ANPEP: variants seen among roughly 807,000 people sequenced by gnomAD.
The protein encoded by ANPEP is aminopeptidase N.
In ANPEP, 70 loss-of-function variants were observed where a neutral mutation model predicts 114.6. The observed-to-expected ratio is 0.61, with a 90% CI of 0.50 to 0.75. The LOEUF is 0.75. Ranked by LOEUF, ANPEP falls within the 30% of genes least tolerant of loss-of-function variation. ANPEP has a pLI of 0.00. For missense variants in ANPEP, 1,184 were observed against 1,259.5 expected (o/e 0.94, Z 0.91); for synonymous variants, 548 against 522.3 (o/e 1.05, Z -0.67).
Position 89,803,654 on chromosome 15 carries a change from TAGG to T in ANPEP, c.1427_1429del (p.Ser476del). 1 of 1,611,478 alleles carries T rather than the reference TAGG, an allele frequency of 6.2e-7. No homozygotes were observed. The highest frequency in any genetic ancestry group is 8.5e-7 in the Non-Finnish European group (1 of 1,178,634). ...ACGAGGAGCGGGCTGCACCTTGCTG[TAGG>T]AGATGGCGTCAAACAGCTCACTGAT... is the stretch of plus-strand genomic sequence containing the variant. On this transcript the variant is annotated inframe_deletion, in exon 8 of 21. Transcript: ENST00000300060. This position sits in a 1 kb window ranked among gnomAD's most constrained non-coding sequence, Gnocchi z 4.2.
chr15:89,804,708 T>C, intron 4 of ANPEP, 91 bp from the exon 5 acceptor site: 2 of 1,526,410 alleles, frequency 1.3e-6, no homozygotes, highest in Non-Finnish European at 1.8e-6. Context: ...GCTGGGGGGA[T>C]CCCTGATGGG....
chr15:89,800,556 C>CTTTTTT lies in ANPEP; in HGVS notation c.1819+549_1819+554dup, dbSNP rs759889538. 4.0e-4 allele frequency among the ~76,000 whole-genome samples: 50 copies of CTTTTTT among 124,362 alleles called. 2 individuals are homozygous for CTTTTTT. The highest frequency in any genetic ancestry group is 1.5e-3 in the African/African-American group (48 of 31,264). 81.6% of individuals were successfully genotyped at this position (124,362 alleles called of 152,430 possible). A position where few individuals can be genotyped will look rare whatever the true frequency, so the allele number is the denominator to read the frequency against. On this transcript the variant is annotated intron_variant, in intron 12 of 20. Transcript: ENST00000300060. ...TTAAGCATTTTATGTGGATTCTCTC[C>CTTTTTT]TTTTTTTTTTTTTTTTTTTTTTGAG...
chr15:89,786,308 C>G (rs560894699), intron 20 of ANPEP, among the ~76,000 whole-genome samples: 25 of 150,534 alleles, frequency 1.7e-4, no homozygotes, highest in African/African-American at 5.8e-4. Context: ...TGTCCATGGA[C>G]TGGAAGATTT....
In ANPEP at chr15:89,799,253, C is replaced by T; in HGVS notation, c.2009+7G>A. 6.2e-7 allele frequency: 1 copy of T among 1,614,168 alleles called. No homozygotes were observed. Among genetic ancestry groups the T allele is most frequent in the Non-Finnish European group, 8.5e-7 (1 of 1,180,024 alleles). On this transcript the variant is annotated splice_region_variant and intron_variant, in intron 14 of 20. Transcript: ENST00000300060. This position sits in a 1 kb window ranked among gnomAD's most constrained non-coding sequence, Gnocchi z 4.2. Reference sequence around the variant, plus strand: ...TCTGCAGCTGAGCCAGGCAGCGGAGCACTCACCTGGCCAGGTTGAAGGCGT... The same window carrying T: ...TCTGCAGCTGAGCCAGGCAGCGGAGTACTCACCTGGCCAGGTTGAAGGCGT...
rs10596905 is a variant in ANPEP, at chr15:89,791,599, A to ATTTT, written c.2529-510_2529-507dup. Among the ~76,000 whole-genome samples the ATTTT allele has an allele frequency of 7.7e-3, 1,044 of 135,260 alleles. 15 individuals carry two copies. Among genetic ancestry groups the ATTTT allele is most frequent in the African/African-American group, 0.024 (874 of 36,848 alleles). The allele number at this position is 135,260 out of a possible 152,430, so 88.7% of individuals were successfully genotyped here. ...ATTACAGGCATGTGCCACCATGCCT[A>ATTTT]TTTTTTTTTTTTTTTTGTATTTTTA... On this transcript the variant is annotated intron_variant, in intron 18 of 20. Transcript: ENST00000300060.
intron 12 of ANPEP, among the ~76,000 whole-genome samples, chr15:89,800,470 C>T (rs1384492618): frequency 1.3e-5 from 2 of 152,100 alleles, no homozygotes; most frequent in Non-Finnish European, 2.9e-5. Flanking sequence ...ACTTGTCATG[C>T]CCTTCGCTTC....
In ANPEP at chr15:89,805,209, T is replaced by A; in HGVS notation, c.766A>T (p.Thr256Ser). ...CAGTTGGGGTCTTCTGGAAGTGGGG[T>A]GCTGGGACCTGGGCAGGGAGCATGT... The part of the protein sequence containing the change: ...LSNMLPKGPS[T>S]PLPEDPNWNV... The change falls in exon 4 of 21, where the codon ACC (threonine) becomes TCC (serine). Residue 256 changes from threonine (T) to serine (S), a missense_variant. Physicochemically the swap from Thr to Ser is moderately conservative, Grantham distance 58. Transcript: ENST00000300060. 1 of 1,614,118 alleles carries A rather than the reference T, an allele frequency of 6.2e-7. No homozygotes were observed. The highest frequency in any genetic ancestry group is 1.1e-5 in the South Asian group (1 of 91,080).
Position 89,799,639 on chromosome 15 carries a change from C to A in ANPEP, c.1820-80G>T. 2 of 1,591,142 alleles carry A rather than the reference C, an allele frequency of 1.3e-6. No individual in the cohort carries two copies. Among genetic ancestry groups the A allele is most frequent in the East Asian group, 4.5e-5 (2 of 44,672 alleles). The stretch of plus-strand genomic sequence containing the variant: ...CTGGACCTCTTGCAAGAGCAGCTGC[C>A]CCCGCAGCCTGGCACCACCTCACCC... On this transcript the variant is annotated intron_variant, in intron 12 of 20. Transcript: ENST00000300060. This position sits in a 1 kb window ranked among gnomAD's most constrained non-coding sequence, Gnocchi z 4.2.
At chr15:89,811,857 G>A (rs998791087) in intron 1 of ANPEP, among the ~76,000 whole-genome samples, 2 of 152,084 alleles carry the variant, frequency 1.3e-5, no homozygotes, top group Non-Finnish European at 2.9e-5. Flanking sequence ...TCTTGACGGG[G>A]TAGAAGCCGA....
Position 89,803,291 on chromosome 15 carries a change from G to A in ANPEP, c.1517C>T (p.Thr506Ile), listed in dbSNP as rs778343745. 2.5e-6 allele frequency: 4 copies of A among 1,614,126 alleles called. No homozygotes were observed. The highest frequency in any genetic ancestry group is 1.1e-5 in the South Asian group (1 of 91,086). ...GTAGATGGTGTTCTGGTAGGCAAAG[G>A]TGTGGAGGTAGGACTGTGGAAAGAC... ...FKQGLASYLHTFAYQNTIYLN... is the reference protein window; with the variant it reads ...FKQGLASYLHIFAYQNTIYLN... Residue 506 changes from threonine (T) to isoleucine (I), a missense_variant, in exon 10 of 21, where the codon ACC becomes ATC. Coordinates refer to ENST00000300060, the MANE Select transcript of ANPEP (RefSeq NM_001150.3). The surrounding 1 kb of genome is among the most constrained non-coding windows in gnomAD (Gnocchi z 4.2).
At chr15:89,807,872 G>A (rs1471249491) in intron 1 of ANPEP, among the ~76,000 whole-genome samples, 3 of 152,028 alleles carry the variant, frequency 2.0e-5, no homozygotes, top group East Asian at 3.9e-4. Context: ...CTCAGACCTC[G>A]ACACCGCCTG....
chr15:89,791,598 TA>T (rs768344971), intron 18 of ANPEP, among the ~76,000 whole-genome samples: 7,248 of 118,152 alleles, frequency 0.061, 254 homozygotes, highest in African/African-American at 0.1. Flanking sequence ...CCACCATGCC[TA>T]TTTTTTTTTT....
intron 15 of ANPEP, among the ~76,000 whole-genome samples, chr15:89,794,343 GCAT>G (rs1440994021): frequency 1.3e-5 from 2 of 152,060 alleles, no homozygotes; most frequent in African/African-American, 4.8e-5. Context: ...AATTAGCCAG[GCAT>G]GGTGGCAGGC....
chr15:89,810,382 A>C (rs932153258), intron 1 of ANPEP, among the ~76,000 whole-genome samples: 21 of 37,054 alleles, frequency 5.7e-4, no homozygotes, highest in Non-Finnish European at 7.9e-4. Flanking sequence ...CTGTCTCAAA[A>C]AATAAATAAA....
rs574991721 is a variant in ANPEP, at chr15:89,787,131, C to T, written c.2752-1630G>A. On this transcript the variant is annotated intron_variant, in intron 20 of 20. Transcript: ENST00000300060. ...TGCGATCTCAGCTCACTGCAAACTC[C>T]GCCTCCCGGGTTCAAGCAATTCTCC... is the stretch of plus-strand genomic sequence containing the variant. 2.1e-4 allele frequency among the ~76,000 whole-genome samples: 31 copies of T among 150,400 alleles called. 1 individual carries two copies. In the South Asian group the frequency reaches 4.4e-3, roughly 21 times the overall value.
chr15:89,800,402 A>T (rs748447292), intron 12 of ANPEP, among the ~76,000 whole-genome samples: 5 of 152,124 alleles, frequency 3.3e-5, no homozygotes, highest in Non-Finnish European at 7.4e-5. Flanking sequence ...GCACAGCACT[A>T]GAATGCCTCC....
chr15:89,802,206 G>A (rs1252808875), intron 10 of ANPEP, among the ~76,000 whole-genome samples: 1 of 152,146 alleles, frequency 6.6e-6, no homozygotes, highest in Non-Finnish European at 1.5e-5. Context: ...CATGTGGGGA[G>A]GAACCAGCTG....
At chr15:89,786,181 A>G (rs1968503531) in intron 20 of ANPEP, among the ~76,000 whole-genome samples, 1 of 152,182 alleles carries the variant, frequency 6.6e-6, no homozygotes. Context: ...AGAATAAAAT[A>G]TTTAGGAATA....
At chr15:89,796,855 A>ATATCACACCCTGAAATGGATATTCTACAG (rs1968737703) in intron 15 of ANPEP, among the ~76,000 whole-genome samples, 1 of 152,142 alleles carries the variant, frequency 6.6e-6, no homozygotes, top group Admixed American at 6.5e-5. Context: ...TAATGACTAC[A>ATATCACACCCTGAAATGGATATTCTACAG]TATCACACCC....
Sources: allele counts gnomAD v4.1 joint callset (sites outside exome capture counted in the v4.1 genomes callset), GRCh38; gene constraint gnomAD v4.1.1; non-coding constraint Gnocchi (gnomAD v3.1); transcripts MANE v1.5; gene names NCBI Gene and HGNC (gene_info 2026-07-23, HGNC 2026-07-21).